CTNNA3: variants seen among roughly 807,000 people sequenced by gnomAD.
CTNNA3 encodes the protein catenin alpha-3.
Under a neutral mutation model 95.7 loss-of-function variants are expected in CTNNA3, and 76 were observed. The ratio of observed to expected loss-of-function variants is 0.79; its 90% CI spans 0.66 to 0.96. CTNNA3 has a LOEUF of 0.96. Ranked by LOEUF, CTNNA3 falls within the 40% of genes least tolerant of loss-of-function variation. CTNNA3 has a pLI of 0.00. For synonymous variants in CTNNA3, 431 were observed against 374.4 expected (o/e 1.15, Z -1.74); for missense variants, 1,191 against 1,089.8 (o/e 1.09, Z -1.31).
At chr10:67,305,067 G>C (rs1016504518) in intron 5 of CTNNA3, among the ~76,000 whole-genome samples, 6 of 152,118 alleles carry the variant, frequency 3.9e-5, no homozygotes, top group Admixed American at 3.9e-4. Flanking sequence ...ACGAAGTCAG[G>C]AGATCAAGAC....
chr10:66,849,111 C>A (rs1843385361), intron 7 of CTNNA3, among the ~76,000 whole-genome samples: 1 of 152,152 alleles, frequency 6.6e-6, no homozygotes, highest in Non-Finnish European at 1.5e-5. Context: ...TACATACCTT[C>A]AAGTGAAGAA....
chr10:66,201,592 T>C (rs1482125400), intron 13 of CTNNA3, among the ~76,000 whole-genome samples: 1 of 152,144 alleles, frequency 6.6e-6, no homozygotes, highest in Non-Finnish European at 1.5e-5. Context: ...ATGTTACTTC[T>C]TTTATCTACT....
intron 9 of CTNNA3, among the ~76,000 whole-genome samples, chr10:66,633,677 C>A (rs1227390631): frequency 6.7e-6 from 1 of 150,282 alleles, no homozygotes; most frequent in African/African-American, 2.5e-5. Flanking sequence ...AAGACTCCAT[C>A]TCAAAAAAAA....
chr10:66,118,099 A>T (rs2082413669), intron 13 of CTNNA3, among the ~76,000 whole-genome samples: 1 of 130,826 alleles, frequency 7.6e-6, no homozygotes, highest in South Asian at 2.3e-4. Flanking sequence ...ACTTCCTCTT[A>T]TATACGACTA....
At chr10:67,551,939 T>TA (rs1214392629) in intron 3 of CTNNA3, among the ~76,000 whole-genome samples, 1 of 151,902 alleles carries the variant, frequency 6.6e-6, no homozygotes, top group African/African-American at 2.4e-5. Context: ...AAATATTGGG[T>TA]AAAAAAAGGA....
chr10:66,152,383 A>T (rs560875224), intron 13 of CTNNA3, among the ~76,000 whole-genome samples: 188 of 152,062 alleles, frequency 1.2e-3, no homozygotes, highest in South Asian at 3.1e-3. Flanking sequence ...CATTAGCTAA[A>T]TTATATTTCC....
chr10:67,017,784 T>G (rs1259671304), intron 7 of CTNNA3, among the ~76,000 whole-genome samples: 1 of 152,074 alleles, frequency 6.6e-6, no homozygotes, highest in Non-Finnish European at 1.5e-5. Flanking sequence ...TACAATTTTA[T>G]TTTGAGATGG....
rs145695503 is a variant in CTNNA3 at position 66,553,218 on chromosome 10, A to C, written c.1375-32445T>G. On this transcript the variant is annotated intron_variant, in intron 10 of 17. Transcript: ENST00000433211. ...AGTAGTATGGTTTTTATCTTTTAAA[A>C]AATGAGTCTGACAAACTTTGCTATA... is the stretch of plus-strand genomic sequence containing the variant. Among the ~76,000 whole-genome samples, 1,048 of 152,192 alleles carry C rather than the reference A, an allele frequency of 6.9e-3. 15 individuals are homozygous for C. The highest frequency in any genetic ancestry group is 0.024 in the African/African-American group (1,002 of 41,542).
chr10:67,725,001 G>A (rs1841200693), intron 1 of CTNNA3, among the ~76,000 whole-genome samples: 1 of 151,558 alleles, frequency 6.6e-6, no homozygotes, highest in African/African-American at 2.4e-5. Flanking sequence ...AAATATTCTT[G>A]TTAAAATTTT....
At chr10:67,020,532 T>C (rs573115923) in intron 7 of CTNNA3, among the ~76,000 whole-genome samples, 17 of 152,312 alleles carry the variant, frequency 1.1e-4, no homozygotes, top group Admixed American at 2.0e-4. Context: ...GTCTTAAGTT[T>C]ATTGAACTCA....
At chr10:67,561,814 C>T (rs1231651658) in intron 3 of CTNNA3, among the ~76,000 whole-genome samples, 7 of 151,966 alleles carry the variant, frequency 4.6e-5, no homozygotes, top group Admixed American at 2.0e-4. Flanking sequence ...GATATCACCG[C>T]CAATGCCACA....
chr10:67,153,051 C>T (rs1564927613), intron 7 of CTNNA3, among the ~76,000 whole-genome samples: 1 of 152,020 alleles, frequency 6.6e-6, no homozygotes, highest in Non-Finnish European at 1.5e-5. Context: ...TATCAGCTCA[C>T]TGCAACCTCT....
intron 5 of CTNNA3, among the ~76,000 whole-genome samples, chr10:67,429,056 C>T (rs1042110901): frequency 2.0e-5 from 3 of 152,000 alleles, no homozygotes; most frequent in Non-Finnish European, 4.4e-5. Context: ...AAATAATATA[C>T]TTCTTCCAGA....
chr10:65,931,226 A>G (rs989451182), intron 17 of CTNNA3, among the ~76,000 whole-genome samples: 1 of 152,208 alleles, frequency 6.6e-6, no homozygotes, highest in Admixed American at 6.5e-5. Context: ...CAACAACAAA[A>G]TCAATGATAA....
intron 7 of CTNNA3, among the ~76,000 whole-genome samples, chr10:67,123,261 G>A (rs1341138728): frequency 6.6e-6 from 1 of 152,020 alleles, no homozygotes; most frequent in Non-Finnish European, 1.5e-5. Context: ...CTAGAGACCA[G>A]GTCTCTGCAT....
At chr10:66,142,736 A>G (rs1279753241) in intron 13 of CTNNA3, among the ~76,000 whole-genome samples, 4 of 152,074 alleles carry the variant, frequency 2.6e-5, no homozygotes, top group Non-Finnish European at 5.9e-5. Context: ...AGAATTAGAG[A>G]CCTCACCACA....
At chr10:66,170,857 G>C (rs1373387408) in intron 13 of CTNNA3, among the ~76,000 whole-genome samples, 1 of 152,204 alleles carries the variant, frequency 6.6e-6, no homozygotes, top group Admixed American at 6.5e-5. Context: ...CAAGGGGCTG[G>C]GCACAGTGGC....
intron 7 of CTNNA3, among the ~76,000 whole-genome samples, chr10:67,096,655 GAT>G (rs1301860687): frequency 1.3e-5 from 2 of 151,826 alleles, no homozygotes; most frequent in East Asian, 3.9e-4. Context: ...TCTAGACTTT[GAT>G]ATCTGATTAT....
chr10:66,335,494 A>G (rs1039482991), intron 12 of CTNNA3, among the ~76,000 whole-genome samples: 2 of 152,042 alleles, frequency 1.3e-5, no homozygotes, highest in Admixed American at 1.3e-4. Context: ...CTGGAGGTCC[A>G]CTCCAGACCC....
Sources: allele counts gnomAD v4.1 joint callset (sites outside exome capture counted in the v4.1 genomes callset), GRCh38; gene constraint gnomAD v4.1.1; transcripts MANE v1.5; gene names NCBI Gene and HGNC (gene_info 2026-07-23, HGNC 2026-07-21).